The following CTNNA2 variants were observed in gnomAD, a reference collection of about 807,000 sequenced individuals.
CTNNA2 encodes catenin alpha 2, also known as catenin alpha-2.
Under a neutral mutation model 101.0 loss-of-function variants are expected in CTNNA2, and 42 were observed. The observed-to-expected ratio is 0.42, with a 90% CI of 0.32 to 0.54. The LOEUF (loss-of-function observed/expected upper bound fraction) is 0.54, where lower values mean the gene tolerates loss of function less well. CTNNA2 is among the 20% of genes least tolerant of loss of function. The pLI, the probability that CTNNA2 is intolerant of heterozygous loss-of-function variation, is 0.14. For synonymous variants in CTNNA2, 450 were observed against 456.4 expected (o/e 0.99, Z 0.18); for missense variants, 871 against 1,223.1 (o/e 0.71, Z 4.29).
intron 8 of CTNNA2, among the ~76,000 whole-genome samples, chr2:80,412,202 G>T (rs1192349603): frequency 6.6e-6 from 1 of 152,180 alleles, no homozygotes; most frequent in Non-Finnish European, 1.5e-5. Context: ...TGCATATCGT[G>T]GAGGTAAAGG....
At chr2:79,215,543 T>C (rs576129371) in intron 2 of CTNNA2, among the ~76,000 whole-genome samples, 3 of 152,274 alleles carry the variant, frequency 2.0e-5, no homozygotes, top group African/African-American at 7.2e-5. Context: ...GATTGGGTAA[T>C]AAAACGTATT....
intron 9 of CTNNA2, among the ~76,000 whole-genome samples, chr2:80,507,172 C>A (rs1436079063): frequency 6.6e-6 from 1 of 152,084 alleles, no homozygotes; most frequent in Non-Finnish European, 1.5e-5. Flanking sequence ...ATGTAGATAA[C>A]AATAGTATGT....
intron 18 of CTNNA2, among the ~76,000 whole-genome samples, chr2:80,647,328 T>C (rs1174155032): frequency 6.6e-6 from 1 of 152,158 alleles, no homozygotes; most frequent in Admixed American, 6.6e-5. Context: ...CATTGCTAAT[T>C]ACCCTAATGT....
chr2:80,305,393 G>A (rs1249541999), intron 7 of CTNNA2: 2 of 983,878 alleles, frequency 2.0e-6, no homozygotes, highest in Non-Finnish European at 2.4e-6. Flanking sequence ...AGATACATAT[G>A]GGGTACAGAG....
chr2:79,710,380 C>T (rs1167149115), intron 2 of CTNNA2, among the ~76,000 whole-genome samples: 2 of 152,110 alleles, frequency 1.3e-5, no homozygotes. Flanking sequence ...GTGGCTCAAA[C>T]CTTTATAAGA....
intron 12 of CTNNA2, among the ~76,000 whole-genome samples, chr2:80,556,439 GAGTT>G (rs1693034707): frequency 6.6e-6 from 1 of 152,192 alleles, no homozygotes; most frequent in African/African-American, 2.4e-5. Context: ...TGCTGACAAA[GAGTT>G]AGGCTTTCAG....
intron 2 of CTNNA2, among the ~76,000 whole-genome samples, chr2:79,730,204 G>C (rs574561859): frequency 1.3e-5 from 2 of 152,168 alleles, no homozygotes; most frequent in South Asian, 4.1e-4. Context: ...TTTCTTATCT[G>C]AGTAATAGGG....
At chr2:79,886,691 C>T (rs1683893608) in intron 6 of CTNNA2, among the ~76,000 whole-genome samples, 1 of 115,220 alleles carries the variant, frequency 8.7e-6, no homozygotes, top group Non-Finnish European at 1.6e-5. Flanking sequence ...GCAGAGCTTG[C>T]AGTGAGCTGA....
At chr2:79,972,402 A>G (rs780449339) in intron 7 of CTNNA2, among the ~76,000 whole-genome samples, 1 of 152,172 alleles carries the variant, frequency 6.6e-6, no homozygotes, top group Non-Finnish European at 1.5e-5. Flanking sequence ...TGCACATTGG[A>G]AAATTTGGCA....
intron 7 of CTNNA2, among the ~76,000 whole-genome samples, chr2:80,241,611 C>CTA (rs1670946721): frequency 6.6e-6 from 1 of 151,652 alleles, no homozygotes; most frequent in Admixed American, 6.6e-5. Flanking sequence ...ATCTATCTAT[C>CTA]TATCTATCTA....
At chr2:79,853,555 A>G (rs1211523830) in intron 3 of CTNNA2, among the ~76,000 whole-genome samples, 3 of 152,148 alleles carry the variant, frequency 2.0e-5, no homozygotes, top group Non-Finnish European at 4.4e-5. Context: ...TCAAGGAAAG[A>G]GCCACAGGAT....
At chr2:79,578,410 C>A (rs2103879211) in intron 1 of CTNNA2, among the ~76,000 whole-genome samples, 1 of 152,000 alleles carries the variant, frequency 6.6e-6, no homozygotes, top group Non-Finnish European at 1.5e-5. Flanking sequence ...TTTAACTTAC[C>A]TTTTGTGGGT....
intron 3 of CTNNA2, among the ~76,000 whole-genome samples, chr2:79,361,353 T>C (rs993219984): frequency 9.2e-5 from 14 of 152,090 alleles, no homozygotes; most frequent in Admixed American, 9.2e-4. Context: ...TCACAATGAA[T>C]AGGAAGCTTC....
intron 1 of CTNNA2, among the ~76,000 whole-genome samples, chr2:79,527,474 CAAAA>C (rs58822666): frequency 1.2e-5 from 1 of 85,230 alleles, no homozygotes; most frequent in African/African-American, 3.8e-5. Context: ...ACTAAAAATA[CAAAA>C]AAAAAAAAAA....
chr2:79,388,258 A>G (rs2104469607), intron 4 of CTNNA2, among the ~76,000 whole-genome samples: 1 of 152,304 alleles, frequency 6.6e-6, no homozygotes, highest in East Asian at 1.9e-4. Flanking sequence ...TCAAGAACCG[A>G]GGCTGATGGA....
In CTNNA2 at chr2:80,589,335, A is replaced by G. The variant is rs1558620348; in HGVS notation, c.2039A>G (p.Lys680Arg). ...ATGGCGCAACTACCGCAGGAGGAGA[A>G]GGCAAAAATAGCTGAGCAGGTGGAG... ...AIMAQLPQEE[K>R]AKIAEQVEIF... is the part of the protein sequence containing the mutation. The change falls in exon 15 of 19, where the codon AAG (lysine) becomes AGG (arginine). Residue 680 changes from lysine to arginine, a missense_variant. This residue lies in a region of CTNNA2 where 93 missense variants were observed against 223.7 expected (regional missense o/e 0.42). Coordinates refer to ENST00000402739, the MANE Select transcript of CTNNA2 (RefSeq NM_001282597.3). 1.2e-6 allele frequency: 2 copies of G among 1,614,114 alleles called. No individual in the cohort carries two copies. The highest frequency in any genetic ancestry group is 1.7e-6 in the Non-Finnish European group (2 of 1,179,972).
chr2:80,597,631 A>G (rs1250879057), intron 15 of CTNNA2, among the ~76,000 whole-genome samples: 3 of 152,190 alleles, frequency 2.0e-5, no homozygotes, highest in Non-Finnish European at 4.4e-5. Flanking sequence ...TTTACAAGAA[A>G]AAAAACACCA....
intron 1 of CTNNA2, among the ~76,000 whole-genome samples, chr2:79,196,682 T>C (rs1673965614): frequency 6.6e-6 from 1 of 152,236 alleles, no homozygotes; most frequent in Non-Finnish European, 1.5e-5. Context: ...TAGAGGTTTC[T>C]CTAAAATATT....
intron 3 of CTNNA2, among the ~76,000 whole-genome samples, chr2:79,315,411 T>A (rs1676471369): frequency 6.6e-6 from 1 of 152,174 alleles, no homozygotes; most frequent in Non-Finnish European, 1.5e-5. Context: ...TTTCTCCTCA[T>A]CTTTATCCAG....
Sources: gnomAD v4.1 joint callset for allele counts (sites outside exome capture counted in the v4.1 genomes callset) on GRCh38, gnomAD v4.1.1 for gene constraint, gnomAD v4.1.1 regional missense constraint, MANE v1.5 for transcripts, NCBI Gene and HGNC (gene_info 2026-07-23, HGNC 2026-07-21) for gene names.